The following ETV7 variants were observed in gnomAD, a reference collection of about 807,000 sequenced individuals.
ETV7 encodes the protein ETS variant transcription factor 7.
Under a neutral mutation model 39.1 loss-of-function variants are expected in ETV7, and 43 were observed. The ratio of observed to expected loss-of-function variants is 1.10; its 90% CI spans 0.86 to 1.42. The LOEUF (loss-of-function observed/expected upper bound fraction) is 1.42. Among genes scored for constraint, ETV7 ranks in the 40% most tolerant of loss-of-function variants. The pLI is 0.00. For synonymous variants in ETV7, 196 were observed against 176.6 expected, an observed-to-expected ratio of 1.11 and a Z score of -0.87; for missense variants, 432 against 442.3, an observed-to-expected ratio of 0.98 and a Z score of 0.21.
downstream of ETV7, chr6:36,366,122 C>G (rs565720432): frequency 1.1e-6 from 1 of 924,594 alleles, no homozygotes; most frequent in Non-Finnish European, 1.3e-6. Flanking sequence ...TGCAGTGAGC[C>G]GAGATCGTGC....
intron 2 of ETV7, among the ~76,000 whole-genome samples, chr6:36,378,148 G>T (rs114759206): frequency 4.6e-5 from 7 of 151,836 alleles, no homozygotes; most frequent in African/African-American, 1.7e-4. Flanking sequence ...ACGCACACAC[G>T]CGTGCCTATG....
At position 36,371,553 on chromosome 6, in the gene ETV7, A is replaced by T. The variant is rs376243055; in HGVS notation, c.441T>A (p.Thr147=). Residue 147 remains threonine, a synonymous_variant, in exon 5 of 8, where the codon ACT becomes ACA. Coordinates refer to ENST00000340181, the MANE Select transcript of ETV7 (RefSeq NM_016135.4). ...TTCGGGTGTCCATCTGAGAGGGGCC[A>T]GTCACCTCTGCAAGCAGATGAGCAC... ...QHSPVPPEEV[T]GPSQMDTRRG... 2.2e-5 allele frequency: 35 copies of T among 1,586,112 alleles called. No individual in the cohort carries two copies. Among genetic ancestry groups the T allele is most frequent in the Non-Finnish European group, 2.7e-5 (32 of 1,168,194 alleles).
Position 36,366,590 on chromosome 6 carries a change from T to C in ETV7, c.*55A>G. On this transcript the variant is annotated 3_prime_UTR_variant, in exon 8 of 8. Coordinates refer to ENST00000340181, the MANE Select transcript of ETV7 (RefSeq NM_016135.4). ...TGCTGGGAGGAGGAGTCTGCCTTCA[T>C]GGGAGACTCGGTCCCTGCCCCATCG... 1 of 1,612,156 alleles carries C rather than the reference T, an allele frequency of 6.2e-7. No individual in the cohort carries two copies. The highest frequency in any genetic ancestry group is 8.5e-7 in the Non-Finnish European group (1 of 1,178,884).
intron 7 of ETV7, among the ~76,000 whole-genome samples, chr6:36,359,241 G>T (rs1261951128): frequency 6.6e-6 from 1 of 152,062 alleles, no homozygotes; most frequent in African/African-American, 2.4e-5. Context: ...ACCTGAGGTC[G>T]AGAGTTCAAG....
chr6:36,361,802 C>A (rs1457253014), downstream of ETV7, among the ~76,000 whole-genome samples: 1 of 152,206 alleles, frequency 6.6e-6, no homozygotes, highest in East Asian at 1.9e-4. Flanking sequence ...ATTGTCAGTT[C>A]TTTAATTGTA....
Position 36,366,625 on chromosome 6 carries a change from G to T in ETV7, c.*20C>A. The T allele has an allele frequency of 6.2e-7, 1 of 1,614,102 alleles. No individual in the cohort carries two copies. Among genetic ancestry groups the T allele is most frequent in the Non-Finnish European group, 8.5e-7 (1 of 1,179,988 alleles). Reference sequence around the variant, plus strand: ...GGTCCCTGCCCCATCGGTACCGGGTGCCTGGAGTCCACCTGCCCCTCACGG... The same window carrying T: ...GGTCCCTGCCCCATCGGTACCGGGTTCCTGGAGTCCACCTGCCCCTCACGG... On this transcript the variant is annotated 3_prime_UTR_variant, in exon 8 of 8. Coordinates refer to ENST00000340181, the MANE Select transcript of ETV7 (RefSeq NM_016135.4).
In ETV7 at chr6:36,369,210, G is replaced by T. The variant is rs2071793; in HGVS notation, c.665-139C>A. The stretch of plus-strand genomic sequence containing the variant: ...GAAGGTGAAAATGATGATATCAACA[G>T]AAACAGCCACTAATGGGGCTCCTCA... On this transcript the variant is annotated intron_variant, in intron 5 of 7. Transcript: ENST00000340181. 8.4e-4 allele frequency: 778 copies of T among 924,014 alleles called. 9 individuals carry two copies. The East Asian group carries it at 0.018, about 21-fold the overall frequency. 57.2% of individuals were successfully genotyped at this position (924,014 alleles called of 1,614,324 possible).
Position 36,366,262 on chromosome 6 carries a change from ATT to A in ETV7, c.*381_*382del. The A allele has an allele frequency of 1.9e-6, 2 of 1,052,432 alleles. No homozygotes were observed. Among genetic ancestry groups the A allele is most frequent in the South Asian group, 3.7e-5 (1 of 26,862 alleles). 65.2% of individuals were successfully genotyped at this position (1,052,432 alleles called of 1,614,324 possible). A position where few individuals can be genotyped will look rare whatever the true frequency, so the allele number is the denominator to read the frequency against. On this transcript the variant is annotated 3_prime_UTR_variant, in exon 8 of 8. Coordinates refer to ENST00000340181, the MANE Select transcript of ETV7 (RefSeq NM_016135.4). Reference sequence around the variant, plus strand: ...CCTGGAAGCACTAACACTTTTTCCCATTTCCTGCCTCAGCCCATTTCACAGGT... The same window carrying A: ...CCTGGAAGCACTAACACTTTTTCCCATCCTGCCTCAGCCCATTTCACAGGT...
At chr6:36,354,589 T>G (rs1772290280) in exon 8 of ETV7, 3 of 687,570 alleles carry the variant, frequency 4.4e-6, no homozygotes, top group Admixed American at 2.2e-5. Flanking sequence ...AATCAGGAAG[T>G]GTGGGTCCTC....
At chr6:36,361,331 C>T (rs1467781607), downstream of ETV7, among the ~76,000 whole-genome samples, 1 of 152,206 alleles carries the variant, frequency 6.6e-6, no homozygotes, top group Admixed American at 6.5e-5. Context: ...ACACTGCCCT[C>T]GCATTTACCA....
At position 36,387,626 on chromosome 6, in the gene ETV7, G is replaced by T. The variant is rs1773982277; in HGVS notation, c.-85C>A. ...TGCTGGGGCCCTAGGCCCGCGCCCC[G>T]CAGTCCTCCTCCGCCAAACCCCTAA... On this transcript the variant is annotated 5_prime_UTR_variant, in exon 1 of 8. Transcript: ENST00000340181. 5 of 1,500,080 alleles carry T rather than the reference G, an allele frequency of 3.3e-6. No individual in the cohort carries two copies. Among genetic ancestry groups the T allele is most frequent in the African/African-American group, 1.4e-5 (1 of 72,200 alleles). 92.9% of individuals were successfully genotyped at this position (1,500,080 alleles called of 1,614,324 possible).
At chr6:36,364,279 G>A (rs1582171833), downstream of ETV7, among the ~76,000 whole-genome samples, 3 of 152,232 alleles carry the variant, frequency 2.0e-5, no homozygotes, top group African/African-American at 4.8e-5. Context: ...TGTGGAGCAG[G>A]GGGTGGCGCT....
chr6:36,373,326 G>T, intron 4 of ETV7, 127 bp downstream of exon 4: 1 of 1,150,554 alleles, frequency 8.7e-7, no homozygotes, highest in Non-Finnish European at 1.2e-6. Context: ...AGGAGGTGGG[G>T]GTGGGGCGGG....
intron 7 of ETV7, among the ~76,000 whole-genome samples, chr6:36,360,932 A>G (rs1029089161): frequency 3.3e-5 from 5 of 152,152 alleles, no homozygotes; most frequent in Admixed American, 6.5e-5. Flanking sequence ...ACTGTCCCCA[A>G]TAGGCACACT....
At chr6:36,365,970 G>A (rs903517245), downstream of ETV7, among the ~76,000 whole-genome samples, 1 of 152,144 alleles carries the variant, frequency 6.6e-6, no homozygotes, top group Non-Finnish European at 1.5e-5. Flanking sequence ...TCGCAAGTTC[G>A]ATACCAGCCT....
At chr6:36,387,398 T>C in intron 1 of ETV7, 138 bp downstream of exon 1, 1 of 1,259,884 alleles carries the variant, frequency 7.9e-7, no homozygotes, top group Non-Finnish European at 1.2e-6. Flanking sequence ...ATGTGAGGTT[T>C]AGGAATGTGT....
Position 36,387,607 on chromosome 6 carries a change from G to C in ETV7, c.-66C>G. The C allele has an allele frequency of 6.3e-7, 1 of 1,589,520 alleles. No homozygotes were observed. The highest frequency in any genetic ancestry group is 1.9e-4 in the Middle Eastern group (1 of 5,404). ...GCGCTCCCCTGGCTGTGGCTGCTGGGGCCCTAGGCCCGCGCCCCGCAGTCC... is the reference window on the plus strand; with the variant it reads ...GCGCTCCCCTGGCTGTGGCTGCTGGCGCCCTAGGCCCGCGCCCCGCAGTCC... On this transcript the variant is annotated 5_prime_UTR_variant, in exon 1 of 8. Transcript: ENST00000340181.
chr6:36,366,430 CATTT>C lies in ETV7; in HGVS notation c.*211_*214del. 1 of 1,417,664 alleles carries C rather than the reference CATTT, an allele frequency of 7.1e-7. No individual in the cohort carries two copies. Among genetic ancestry groups the C allele is most frequent in the Non-Finnish European group, 9.2e-7 (1 of 1,088,484 alleles). 87.8% of individuals were successfully genotyped at this position (1,417,664 alleles called of 1,614,324 possible). A position where few individuals can be genotyped will look rare whatever the true frequency, so the allele number is the denominator to read the frequency against. The stretch of plus-strand genomic sequence containing the variant: ...GGGGAGAGTCCATTCCCCTGTACCT[CATTT>C]AGCCCCAGGATTGCCCTGCCCAAAA... On this transcript the variant is annotated 3_prime_UTR_variant, in exon 8 of 8. Coordinates refer to ENST00000340181, the MANE Select transcript of ETV7 (RefSeq NM_016135.4).
In ETV7 at chr6:36,366,649, GGA is replaced by G. The variant is rs995684834; in HGVS notation, c.1020_1021del (p.Pro341ValfsTer72). On this transcript the variant is annotated frameshift_variant, in exon 8 of 8. Coordinates refer to ENST00000340181, the MANE Select transcript of ETV7 (RefSeq NM_016135.4). LOFTEE classifies it high-confidence loss of function. ...TGCCTGGAGTCCACCTGCCCCTCAC[GGA>G]GAGATTTCTGGCCTCTTGTCCTTGA... 1 of 1,613,996 alleles carries G rather than the reference GGA, an allele frequency of 6.2e-7. No individual in the cohort carries two copies. Among genetic ancestry groups the G allele is most frequent in the Non-Finnish European group, 8.5e-7 (1 of 1,180,020 alleles).
Sources: gnomAD v4.1 joint callset for allele counts (sites outside exome capture counted in the v4.1 genomes callset) on GRCh38, gnomAD v4.1.1 for gene constraint, MANE v1.5 for transcripts, NCBI Gene and HGNC (gene_info 2026-07-23, HGNC 2026-07-21) for gene names.